The following MACROD2 variants were observed in gnomAD, a reference collection of about 807,000 sequenced individuals.
MACROD2 encodes ADP-ribose glycohydrolase MACROD2.
MACROD2 carries 36 observed loss-of-function variants against 70.4 expected under a neutral mutation model. That is an observed-to-expected ratio of 0.51 (90% CI 0.39 to 0.68). The LOEUF is 0.68. Ranked by LOEUF, MACROD2 falls within the 30% of genes least tolerant of loss-of-function variation. The probability of loss-of-function intolerance (pLI) is 0.00; values close to 1 mark genes in which losing one functional copy is unlikely to be tolerated. For synonymous variants in MACROD2, 172 were observed against 178.8 expected (o/e 0.96, Z 0.30); for missense variants, 496 against 538.4 (o/e 0.92, Z 0.78).
chr20:15,335,237 A>G lies in MACROD2; in HGVS notation c.541-96168A>G, dbSNP rs140974454. Among the ~76,000 whole-genome samples the G allele has an allele frequency of 4.5e-3, 690 of 151,846 alleles. 29 individuals carry two copies. The highest frequency in any genetic ancestry group is 0.016 in the African/African-American group (668 of 41,154). The stretch of plus-strand genomic sequence containing the variant: ...ACTTGCTCTTTATAATTTCTAGATA[A>G]ATCTGCATTTTGCTTCACTCTTCTC... On this transcript the variant is annotated intron_variant, in intron 6 of 17. Transcript: ENST00000684519.
intron 15 of MACROD2, among the ~76,000 whole-genome samples, chr20:15,997,176 G>C (rs899621090): frequency 6.6e-5 from 10 of 152,042 alleles, no homozygotes. Flanking sequence ...AGATTGCTTT[G>C]ACTATTTGGG....
At chr20:14,841,851 C>A (rs1331973864) in intron 5 of MACROD2, among the ~76,000 whole-genome samples, 2 of 151,940 alleles carry the variant, frequency 1.3e-5, no homozygotes, top group African/African-American at 4.8e-5. Flanking sequence ...GGTTTTAAGA[C>A]TTTTATTTTG....
chr20:15,041,992 G>A (rs183995334), intron 5 of MACROD2, among the ~76,000 whole-genome samples: 2 of 152,152 alleles, frequency 1.3e-5, no homozygotes, highest in Non-Finnish European at 2.9e-5. Context: ...GAGGAAGCTG[G>A]AGAACTTGAA....
intron 15 of MACROD2, among the ~76,000 whole-genome samples, chr20:16,003,429 A>G (rs1345275966): frequency 6.6e-6 from 1 of 152,094 alleles, no homozygotes; most frequent in Non-Finnish European, 1.5e-5. Flanking sequence ...GACAGTGAAA[A>G]CAATAGAAAG....
intron 4 of MACROD2, among the ~76,000 whole-genome samples, chr20:14,589,125 G>A (rs1344548321): frequency 4.6e-5 from 7 of 151,780 alleles, no homozygotes. Flanking sequence ...TATTATTTTT[G>A]TTTGAAAATA....
At chr20:14,506,577 C>T (rs889856258) in intron 4 of MACROD2, among the ~76,000 whole-genome samples, 5 of 152,166 alleles carry the variant, frequency 3.3e-5, no homozygotes, top group East Asian at 1.9e-4. Context: ...ATGAAGGAGA[C>T]GTATTTTACA....
At chr20:15,808,454 CAT>C (rs1313490015) in intron 8 of MACROD2, among the ~76,000 whole-genome samples, 1 of 152,110 alleles carries the variant, frequency 6.6e-6, no homozygotes, top group Non-Finnish European at 1.5e-5. Flanking sequence ...AATAGCTTTA[CAT>C]ATGTTTTTGA....
chr20:14,939,134 G>C (rs1023417968), intron 5 of MACROD2, among the ~76,000 whole-genome samples: 1 of 151,764 alleles, frequency 6.6e-6, no homozygotes, highest in African/African-American at 2.4e-5. Context: ...TTTTGCTTTT[G>C]CTGCCTCTGC....
intron 3 of MACROD2, among the ~76,000 whole-genome samples, chr20:14,489,001 G>A (rs902717316): frequency 2.6e-5 from 4 of 152,126 alleles, no homozygotes; most frequent in Non-Finnish European, 5.9e-5. Flanking sequence ...AGTAGTAGGG[G>A]TCATTGTATT....
At chr20:15,234,154 C>T (rs2076991891) in intron 6 of MACROD2, among the ~76,000 whole-genome samples, 1 of 139,834 alleles carries the variant, frequency 7.2e-6, no homozygotes, top group African/African-American at 2.6e-5. Context: ...GCCTCAGCCT[C>T]CCGAGTAGCT....
At chr20:15,803,056 G>A (rs2063740125) in intron 8 of MACROD2, among the ~76,000 whole-genome samples, 1 of 152,006 alleles carries the variant, frequency 6.6e-6, no homozygotes, top group Non-Finnish European at 1.5e-5. Context: ...GGACCAGATG[G>A]CTTATTGCTG....
At chr20:14,337,391 G>T in intron 3 of MACROD2, 25 of 320,052 alleles carry the variant, frequency 7.8e-5, no homozygotes, top group South Asian at 1.6e-4. Flanking sequence ...GAAAAAACAT[G>T]GAAAACACTT....
intron 5 of MACROD2, among the ~76,000 whole-genome samples, chr20:14,975,165 G>C (rs1424015560): frequency 6.6e-6 from 1 of 152,094 alleles, no homozygotes; most frequent in Admixed American, 6.6e-5. Flanking sequence ...ATCCACCGGG[G>C]TGAGGGGCAG....
At position 15,471,029 on chromosome 20, in the gene MACROD2, T is replaced by C. The variant is rs569161697; in HGVS notation, c.572-28745T>C. Among the ~76,000 whole-genome samples the C allele has an allele frequency of 7.2e-5, 11 of 152,344 alleles. No homozygotes were observed. The East Asian group carries it at 2.1e-3, about 29-fold the overall frequency. On this transcript the variant is annotated intron_variant, in intron 7 of 17. Transcript: ENST00000684519. ...CCTTCATCCATCTTGGATCCTATGG[T>C]TGATTATATCAACAATGGTCTTGTA...
At chr20:15,470,617 A>G (rs943363325) in intron 7 of MACROD2, among the ~76,000 whole-genome samples, 3 of 152,176 alleles carry the variant, frequency 2.0e-5, no homozygotes, top group Non-Finnish European at 4.4e-5. Context: ...GCTTGTGTCC[A>G]CAACCCTCAT....
At chr20:14,264,204 C>A (rs1270430480) in intron 3 of MACROD2, among the ~76,000 whole-genome samples, 1 of 151,988 alleles carries the variant, frequency 6.6e-6, no homozygotes. Flanking sequence ...ACTGGACGTA[C>A]CAGGAATACA....
At chr20:15,480,116 C>T (rs2047076366) in intron 7 of MACROD2, among the ~76,000 whole-genome samples, 1 of 152,154 alleles carries the variant, frequency 6.6e-6, no homozygotes, top group African/African-American at 2.4e-5. Flanking sequence ...TTGTTACCAG[C>T]CTCAAGGAAA....
At chr20:14,962,547 C>T (rs1487796652) in intron 5 of MACROD2, among the ~76,000 whole-genome samples, 1 of 149,296 alleles carries the variant, frequency 6.7e-6, no homozygotes, top group Non-Finnish European at 1.5e-5. Context: ...CTCTCTTTCT[C>T]TCTGTCTCTA....
intron 10 of MACROD2, among the ~76,000 whole-genome samples, chr20:15,924,864 T>C (rs1296303090): frequency 6.6e-6 from 1 of 152,230 alleles, no homozygotes; most frequent in East Asian, 1.9e-4. Flanking sequence ...TGTGTGCCTG[T>C]TTTAAACAAA....
Sources: allele counts gnomAD v4.1 joint callset (sites outside exome capture counted in the v4.1 genomes callset), GRCh38; gene constraint gnomAD v4.1.1; transcripts MANE v1.5; gene names NCBI Gene and HGNC (gene_info 2026-07-23, HGNC 2026-07-21).